The following NOTCH4 variants were observed in gnomAD, a reference collection of about 807,000 sequenced individuals.
NOTCH4 encodes neurogenic locus notch homolog protein 4.
NOTCH4 carries 138 observed loss-of-function variants against 189.0 expected under a neutral mutation model. The ratio of observed to expected loss-of-function variants is 0.73; its 90% CI spans 0.64 to 0.84. NOTCH4 has a LOEUF of 0.84. Among genes scored for constraint, NOTCH4 ranks in the 40% least tolerant of loss-of-function variants. The pLI is 0.00. For missense variants in NOTCH4, 2,286 were observed against 2,605.4 expected (o/e 0.88, Z 2.67); for synonymous variants, 942 against 1,032.8 (o/e 0.91, Z 1.69).
chr6:32,202,041 T>C lies in NOTCH4; in HGVS notation c.3755+35A>G. 7.0e-7 allele frequency: 1 copy of C among 1,426,144 alleles called. No individual in the cohort carries two copies. The highest frequency in any genetic ancestry group is 9.2e-7 in the Non-Finnish European group (1 of 1,081,946). The allele number at this position is 1,426,144 out of a possible 1,614,324, so 88.3% of individuals were successfully genotyped here. ...CCTTCCTCCTCCTCTCACCCACCCC[T>C]CTCCTTCCCTGGCTCCAGTGGATTT... On this transcript the variant is annotated intron_variant, in intron 21 of 29. Coordinates refer to ENST00000375023, the MANE Select transcript of NOTCH4 (RefSeq NM_004557.4). The surrounding 1 kb of genome is among the most constrained non-coding windows in gnomAD (Gnocchi z 5.7).
At position 32,202,394 on chromosome 6, in the gene NOTCH4, C is replaced by G; in HGVS notation, c.3437G>C (p.Cys1146Ser). Residue 1146 changes from cysteine to serine, a missense_variant, in exon 21 of 30, where the codon TGC becomes TCC. Cys to Ser is a moderately radical substitution (Grantham distance 112). This residue lies in a region of NOTCH4 where 1,903 missense variants were observed against 2,261.9 expected (regional missense o/e 0.84). Coordinates refer to ENST00000375023, the MANE Select transcript of NOTCH4 (RefSeq NM_004557.4). The surrounding 1 kb of genome is among the most constrained non-coding windows in gnomAD (Gnocchi z 5.7). The stretch of plus-strand genomic sequence containing the variant: ...GCCCCCCAAGCCCGTGGTCTCTGAG[C>G]AGCTGCCATTGTATAGGCATGGGGA... ...PPSPCLYNGS[C>S]SETTGLGGPG... 3 of 1,612,612 alleles carry G rather than the reference C, an allele frequency of 1.9e-6. No individual in the cohort carries two copies. Among genetic ancestry groups the G allele is most frequent in the Non-Finnish European group, 2.5e-6 (3 of 1,179,894 alleles).
intron 17 of NOTCH4, among the ~76,000 whole-genome samples, chr6:32,211,503 G>C (rs1166082871): frequency 6.6e-6 from 1 of 151,586 alleles, no homozygotes; most frequent in Non-Finnish European, 1.5e-5. Flanking sequence ...TGAGGCAGGA[G>C]AATCACTTGA....
rs1309454719 is a variant in NOTCH4, at chr6:32,219,680, A to G, written c.1422T>C (p.Ala474=). The change falls in exon 8 of 30, where the codon GCT becomes GCC. Residue 474 remains alanine, a synonymous_variant. Coordinates refer to ENST00000375023, the MANE Select transcript of NOTCH4 (RefSeq NM_004557.4). ...PPGYTGSRCE[A]DHNECLSQPC... Reference sequence around the variant, plus strand: ...GCTGGGAGAGGCACTCATTGTGATCAGCCTCACAACGGGAGCCTGTGTAGC... The same window carrying G: ...GCTGGGAGAGGCACTCATTGTGATCGGCCTCACAACGGGAGCCTGTGTAGC... The G allele has an allele frequency of 1.9e-6, 3 of 1,613,064 alleles. No homozygotes were observed. Among genetic ancestry groups the G allele is most frequent in the Non-Finnish European group, 2.5e-6 (3 of 1,179,984 alleles).
In NOTCH4 at chr6:32,215,361, C is replaced by A. The variant is rs773255554; in HGVS notation, c.1886G>T (p.Cys629Phe). 1 of 1,610,780 alleles carries A rather than the reference C, an allele frequency of 6.2e-7. No homozygotes were observed. The highest frequency in any genetic ancestry group is 1.7e-5 in the Admixed American group (1 of 59,594). The change falls in exon 12 of 30, where the codon TGT becomes TTT. Residue 629 changes from cysteine (C) to phenylalanine (F), a missense_variant. Cys to Phe is a radical substitution (Grantham distance 205, BLOSUM62 -2). Around this residue, in one of 2 missense-constraint regions of NOTCH4, gnomAD observed 1,903 missense variants for 2,261.9 expected, o/e 0.84. Transcript: ENST00000375023. ...FTGQLCEVPL[C>F]APNLCQPKQI... ...CTTGGGCTGGCACAGGTTGGGAGCA[C>A]ACAGGGGAACCTCACAGAGCTGGCC...
At position 32,198,502 on chromosome 6, in the gene NOTCH4, C is replaced by T. The variant is rs1788119587; in HGVS notation, c.4675G>A (p.Gly1559Arg). The change falls in exon 26 of 30, where the codon GGG (glycine) becomes AGG (arginine). Residue 1559 changes from glycine (G) to arginine (R), a missense_variant. By Grantham distance (125) the Gly-to-Arg change is moderately radical. Coordinates refer to ENST00000375023, the MANE Select transcript of NOTCH4 (RefSeq NM_004557.4). This position sits in a 1 kb window ranked among gnomAD's most constrained non-coding sequence, Gnocchi z 5.5. ...AGCATGGCTGCCTGAGGGAGCGCCC[C>T]ACAGCCACCACTCAGAGACCAGAGC... Reference protein sequence around the residue: ...CQLWSLSGGCGALPQAAMLTP... With the variant: ...CQLWSLSGGCRALPQAAMLTP... The T allele has an allele frequency of 6.2e-7, 1 of 1,612,958 alleles. No homozygotes were observed. Among genetic ancestry groups the T allele is most frequent in the African/African-American group, 1.3e-5 (1 of 75,004 alleles).
In NOTCH4 at chr6:32,212,494, T is replaced by A; in HGVS notation, c.2660A>T (p.Gln887Leu). ...PLCNLPLSSC[Q>L]KAALSQGIDV... ...GTTACCTTGGCTCAGTGCAGCCTTC[T>A]GGCAGGAGGACAGTGGAAGGTTGCA... Residue 887 changes from glutamine to leucine, a missense_variant, in exon 17 of 30, where the codon CAG becomes CTG. This residue lies in a region of NOTCH4 where 1,903 missense variants were observed against 2,261.9 expected (regional missense o/e 0.84). Coordinates refer to ENST00000375023, the MANE Select transcript of NOTCH4 (RefSeq NM_004557.4). This position sits in a 1 kb window ranked among gnomAD's most constrained non-coding sequence, Gnocchi z 4.4. The A allele has an allele frequency of 6.2e-7, 1 of 1,612,024 alleles. No individual in the cohort carries two copies. Among genetic ancestry groups the A allele is most frequent in the Non-Finnish European group, 8.5e-7 (1 of 1,179,400 alleles).
At chr6:32,197,136 C>T (rs1787996738) in intron 27 of NOTCH4, 64 bp from the exon 28 acceptor site, 2 of 1,573,662 alleles carry the variant, frequency 1.3e-6, no homozygotes, top group Non-Finnish European at 1.7e-6. Context: ...GTTCCTTACA[C>T]TATTAACCCC....
intron 3 of NOTCH4, 134 bp downstream of exon 3, chr6:32,222,377 T>C (rs1221095414): frequency 2.8e-6 from 2 of 717,706 alleles, no homozygotes; most frequent in South Asian, 2.7e-5. Context: ...TTGCCAAGAA[T>C]TGGCATGTTG....
At chr6:32,214,456 T>A (rs1177271137) in intron 12 of NOTCH4, among the ~76,000 whole-genome samples, 7 of 141,144 alleles carry the variant, frequency 5.0e-5, no homozygotes, top group Non-Finnish European at 1.1e-4. Context: ...CATCTATATA[T>A]CTAGTTGGAG....
Position 32,202,257 on chromosome 6 carries a change from T to C in NOTCH4, c.3574A>G (p.Ser1192Gly). 1 of 1,581,008 alleles carries C rather than the reference T, an allele frequency of 6.3e-7. No homozygotes were observed. Among genetic ancestry groups the C allele is most frequent in the Non-Finnish European group, 8.6e-7 (1 of 1,158,714 alleles). ...SGDGACDAGC[S>G]GPGGNWDGGD... ...CCATCCCAGTTTCCTCCCGGGCCAC[T>C]GCAGCCAGCATCGCAGGCCCCATCT... is the stretch of plus-strand genomic sequence containing the variant. Residue 1192 changes from serine (S) to glycine (G), a missense_variant, in exon 21 of 30, where the codon AGT becomes GGT. Ser to Gly is a moderately conservative substitution (Grantham distance 56). Around this residue, in one of 2 missense-constraint regions of NOTCH4, gnomAD observed 1,903 missense variants for 2,261.9 expected, o/e 0.84. Transcript: ENST00000375023. This position sits in a 1 kb window ranked among gnomAD's most constrained non-coding sequence, Gnocchi z 5.7.
At position 32,221,169 on chromosome 6, in the gene NOTCH4, C is replaced by A; in HGVS notation, c.608G>T (p.Gly203Val). 3 of 1,613,072 alleles carry A rather than the reference C, an allele frequency of 1.9e-6. No individual in the cohort carries two copies. Among genetic ancestry groups the A allele is most frequent in the Non-Finnish European group, 2.5e-6 (3 of 1,180,016 alleles). Residue 203 changes from glycine (G) to valine (V), a missense_variant, in exon 4 of 30, where the codon GGA becomes GTA. Transcript: ENST00000375023. The surrounding 1 kb of genome is among the most constrained non-coding windows in gnomAD (Gnocchi z 4.3). ...GCAGGAGGTGCCTTTGGGGCAGGGT[C>A]CTGGGTCCTGGAAGCACTCGTTGAC... ...RDVNECFQDP[G>V]PCPKGTSCHN... is the part of the protein sequence containing the mutation.
intron 17 of NOTCH4, among the ~76,000 whole-genome samples, chr6:32,211,520 G>C (rs1161115924): frequency 6.6e-6 from 1 of 151,920 alleles, no homozygotes; most frequent in Non-Finnish European, 1.5e-5. Context: ...TTGAACCTAG[G>C]AGGTGAAGGT....
rs2127461609 is a variant in NOTCH4, at chr6:32,197,536, G to C, written c.4815C>G (p.Phe1605Leu). 3.1e-6 allele frequency: 5 copies of C among 1,612,548 alleles called. No homozygotes were observed. Among genetic ancestry groups the C allele is most frequent in the Non-Finnish European group, 4.2e-6 (5 of 1,179,362 alleles). ...CAGGACATCCCAACCATGCCCCTTG[G>C]AAGGTCCCGGACTGTACTTCCCCAC... ...VCCGEVQSGTFQGAWLGCPEP... is the reference protein window; with the variant it reads ...VCCGEVQSGTLQGAWLGCPEP... The change falls in exon 27 of 30, where the codon TTC becomes TTG. Residue 1605 changes from phenylalanine to leucine, a missense_variant. Coordinates refer to ENST00000375023, the MANE Select transcript of NOTCH4 (RefSeq NM_004557.4).
Position 32,222,514 on chromosome 6 carries a change from T to C in NOTCH4, c.448A>G (p.Thr150Ala). 1 of 1,526,814 alleles carries C rather than the reference T, an allele frequency of 6.5e-7. No individual in the cohort carries two copies. Among genetic ancestry groups the C allele is most frequent in the Non-Finnish European group, 8.8e-7 (1 of 1,142,638 alleles). The allele number at this position is 1,526,814 out of a possible 1,614,324, so 94.6% of individuals were successfully genotyped here. Residue 150 changes from threonine (T) to alanine (A), a missense_variant, in exon 3 of 30, where the codon ACA becomes GCA. By Grantham distance (58) the Thr-to-Ala change is moderately conservative. Coordinates refer to ENST00000375023, the MANE Select transcript of NOTCH4 (RefSeq NM_004557.4). Reference protein sequence around the residue: ...RPQCSCMPGWTGEQCQLRDFC... With the variant: ...RPQCSCMPGWAGEQCQLRDFC... ...GGCTGCCCCCAGCAGCGCTTACCTG[T>C]CCATCCAGGCATGCAGGAGCACTGT...
At chr6:32,219,460 G>T (rs959613466) in intron 8 of NOTCH4, 132 bp downstream of exon 8, 33 of 813,396 alleles carry the variant, frequency 4.1e-5, no homozygotes, top group Non-Finnish European at 6.0e-5. Flanking sequence ...TTCGTCTGGG[G>T]GTAGAGAGAG....
intron 12 of NOTCH4, among the ~76,000 whole-genome samples, chr6:32,214,745 A>T (rs893591289): frequency 6.6e-6 from 1 of 151,626 alleles, no homozygotes; most frequent in Non-Finnish European, 1.5e-5. Context: ...CTTCCGCTTC[A>T]GCCTCCCAAG....
At position 32,198,856 on chromosome 6, in the gene NOTCH4, C is replaced by T. The variant is rs1026631631; in HGVS notation, c.4535+70G>A. ...TGACTTCTGCAATAGTATTTCTTAT[C>T]TTTTCTGATTGTAAATATCGCCATA... On this transcript the variant is annotated intron_variant, in intron 24 of 29. Transcript: ENST00000375023. The surrounding 1 kb of genome is among the most constrained non-coding windows in gnomAD (Gnocchi z 5.5). 1.4e-6 allele frequency: 2 copies of T among 1,462,880 alleles called. No individual in the cohort carries two copies. The highest frequency in any genetic ancestry group is 2.8e-5 in the African/African-American group (2 of 70,564). The allele number at this position is 1,462,880 out of a possible 1,614,324, so 90.6% of individuals were successfully genotyped here. A position where few individuals can be genotyped will look rare whatever the true frequency, so the allele number is the denominator to read the frequency against.
rs766881494 is a variant in NOTCH4, at chr6:32,223,887, C to A, written c.42G>T (p.Leu14=). The part of the protein sequence containing the change: ...PSLLLLLLLL[L]LLCVSVVRPR... ...GTCTGACCACTGAGACACATAGCAG[C>A]AGCAGCAGCAGCAGCAGCAGCAGCA... is the stretch of plus-strand genomic sequence containing the variant. Residue 14 remains leucine, a synonymous_variant, in exon 1 of 30, where the codon CTG becomes CTT. Coordinates refer to ENST00000375023, the MANE Select transcript of NOTCH4 (RefSeq NM_004557.4). 3 of 1,111,724 alleles carry A rather than the reference C, an allele frequency of 2.7e-6. No individual in the cohort carries two copies. Among genetic ancestry groups the A allele is most frequent in the Non-Finnish European group, 3.6e-6 (3 of 828,560 alleles). 68.9% of individuals were successfully genotyped at this position (1,111,724 alleles called of 1,614,324 possible). A position where few individuals can be genotyped will look rare whatever the true frequency, so the allele number is the denominator to read the frequency against.
chr6:32,204,724 G>A (rs1227908381), intron 18 of NOTCH4, among the ~76,000 whole-genome samples: 1 of 152,112 alleles, frequency 6.6e-6, no homozygotes, highest in Non-Finnish European at 1.5e-5. Flanking sequence ...CATCTATTGA[G>A]TGCCTACTTT....
Sources: allele counts gnomAD v4.1 joint callset (sites outside exome capture counted in the v4.1 genomes callset), GRCh38; gene constraint gnomAD v4.1.1; regional missense constraint gnomAD v4.1.1; non-coding constraint Gnocchi (gnomAD v3.1); transcripts MANE v1.5; gene names NCBI Gene and HGNC (gene_info 2026-07-23, HGNC 2026-07-21).